The following DACH2 variants were observed in gnomAD, a reference collection of about 807,000 sequenced individuals.
DACH2 encodes the protein dachshund homolog 2.
Under a neutral mutation model 35.8 loss-of-function variants are expected in DACH2, and 17 were observed. The ratio of observed to expected loss-of-function variants is 0.48; its 90% CI spans 0.33 to 0.71. The LOEUF is 0.71. DACH2 is among the 30% of genes least tolerant of loss of function. The probability of loss-of-function intolerance (pLI) is 0.02; values close to 1 mark genes in which losing one functional copy is unlikely to be tolerated. For synonymous variants in DACH2, 195 were observed against 177.3 expected, an observed-to-expected ratio of 1.10 and a Z score of -0.79; for missense variants, 469 against 472.7, an observed-to-expected ratio of 0.99 and a Z score of 0.07.
chrX:86,472,009 T>G, intron 2 of DACH2, among the ~76,000 whole-genome samples: 1 of 112,201 alleles, frequency 8.9e-6, no homozygotes, highest in African/African-American at 3.2e-5. Context: ...TATTAGATTT[T>G]TATTTGTCAA....
At chrX:86,467,536 T>C (rs1283452973) in intron 2 of DACH2, among the ~76,000 whole-genome samples, 2 of 111,709 alleles carry the variant, frequency 1.8e-5, no homozygotes, top group East Asian at 2.8e-4. Context: ...CACATTTTTC[T>C]GTATTCTTCT....
At chrX:86,459,094 C>G (rs1052073650) in intron 2 of DACH2, among the ~76,000 whole-genome samples, 1 of 111,805 alleles carries the variant, frequency 8.9e-6, no homozygotes, top group African/African-American at 3.2e-5. Context: ...GTGTTTTTAA[C>G]AACAAATAAT....
intron 6 of DACH2, among the ~76,000 whole-genome samples, chrX:86,735,867 C>G (rs1248031796): frequency 3.6e-5 from 4 of 111,302 alleles, no homozygotes; most frequent in Non-Finnish European, 7.6e-5. Flanking sequence ...TTTTTAAATA[C>G]TTATTGATTT....
chrX:86,332,743 T>C (rs912725660), intron 1 of DACH2, among the ~76,000 whole-genome samples: 4 of 111,842 alleles, frequency 3.6e-5, no homozygotes, highest in African/African-American at 9.7e-5. Flanking sequence ...TGAATATTTC[T>C]TTGTCTTTTG....
intron 3 of DACH2, among the ~76,000 whole-genome samples, chrX:86,637,354 C>CA (rs1003022047): frequency 5.7e-5 from 6 of 105,241 alleles, no homozygotes; most frequent in Admixed American, 1.0e-4. Context: ...CTCAAAGACC[C>CA]AAAAAAAATA....
chrX:86,189,037 C>T (rs1188332547), intron 1 of DACH2, among the ~76,000 whole-genome samples: 1 of 111,627 alleles, frequency 9.0e-6, no homozygotes, highest in Non-Finnish European at 1.9e-5. Flanking sequence ...AAGATTAATT[C>T]GAAGTGACTC....
chrX:86,648,622 A>C (rs762925792), intron 3 of DACH2, among the ~76,000 whole-genome samples: 1 of 110,947 alleles, frequency 9.0e-6, no homozygotes, highest in South Asian at 3.8e-4. Context: ...CTAAACAAAT[A>C]GGATTTAAGA....
At chrX:86,548,582 T>C (rs985228361) in intron 3 of DACH2, among the ~76,000 whole-genome samples, 2 of 112,100 alleles carry the variant, frequency 1.8e-5, no homozygotes, top group African/African-American at 3.2e-5. Context: ...CAGTCATTGT[T>C]ATCATTGTCA....
intron 4 of DACH2, among the ~76,000 whole-genome samples, chrX:86,669,044 C>A (rs936806538): frequency 1.3e-4 from 14 of 111,236 alleles, no homozygotes; most frequent in South Asian, 3.8e-4. Context: ...ACAGCTATTC[C>A]GTATGTTATG....
chrX:86,561,901 T>TAAAAAA (rs60538249), intron 3 of DACH2, among the ~76,000 whole-genome samples: 1 of 65,043 alleles, frequency 1.5e-5, no homozygotes, highest in African/African-American at 6.3e-5. Flanking sequence ...AAAGTAGAAT[T>TAAAAAA]AAAAAAAAAA....
intron 1 of DACH2, among the ~76,000 whole-genome samples, chrX:86,315,700 T>G (rs559963237): frequency 9.1e-6 from 1 of 109,466 alleles, no homozygotes; most frequent in South Asian, 4.0e-4. Flanking sequence ...CATTGGAAGA[T>G]GTAACTGCAG....
In DACH2 at chrX:86,508,503, T is replaced by C. The variant is rs770212718; in HGVS notation, c.528-5776T>C. On this transcript the variant is annotated intron_variant, in intron 2 of 11. Transcript: ENST00000373125. ...TGAACCCGGGAAGCAGAGGTTGCAG[T>C]GGGTTGAGATTGCACCACTGCGCTC... 5.5e-5 allele frequency among the ~76,000 whole-genome samples: 6 copies of C among 109,611 alleles called. No individual in the cohort carries two copies. The South Asian group carries it at 1.6e-3, about 29-fold the overall frequency.
chrX:86,662,424 A>T (rs2040614986), intron 4 of DACH2, among the ~76,000 whole-genome samples: 1 of 110,897 alleles, frequency 9.0e-6, no homozygotes, highest in Non-Finnish European at 1.9e-5. Flanking sequence ...AAACCCTGAC[A>T]CTACTAATAC....
chrX:86,157,987 A>G (rs757449193), intron 1 of DACH2, among the ~76,000 whole-genome samples: 1 of 111,115 alleles, frequency 9.0e-6, no homozygotes, highest in Non-Finnish European at 1.9e-5. Context: ...CAGAGCACCT[A>G]TTTTAAGAAT....
At chrX:86,194,915 C>T (rs749672228) in intron 1 of DACH2, among the ~76,000 whole-genome samples, 4 of 112,585 alleles carry the variant, frequency 3.6e-5, no homozygotes, top group East Asian at 2.8e-4. Context: ...TGGCCTCTCC[C>T]GGGGCCCCAT....
intron 11 of DACH2, chrX:86,829,210 G>A (rs1025755056): frequency 4.5e-5 from 5 of 111,837 alleles, no homozygotes; most frequent in African/African-American, 1.3e-4. Flanking sequence ...ATATAGAGTA[G>A]GTATACTGTT....
chrX:86,421,728 A>T (rs184015357), intron 2 of DACH2, among the ~76,000 whole-genome samples: 22 of 111,440 alleles, frequency 2.0e-4, no homozygotes, highest in African/African-American at 6.2e-4. Flanking sequence ...TCCTTTGTTA[A>T]ATCTACTTCT....
At chrX:86,458,047 C>T (rs1195855142) in intron 2 of DACH2, among the ~76,000 whole-genome samples, 2 of 111,644 alleles carry the variant, frequency 1.8e-5, no homozygotes, top group East Asian at 5.6e-4. Flanking sequence ...GTATTTTAGT[C>T]AATTCTAGAT....
intron 2 of DACH2, among the ~76,000 whole-genome samples, chrX:86,422,695 T>G (rs2036825151): frequency 1.8e-5 from 2 of 111,276 alleles, no homozygotes; most frequent in African/African-American, 6.5e-5. Context: ...CTTTGAGTTA[T>G]TTTAAAATGT....
Sources: gnomAD v4.1 joint callset for allele counts (sites outside exome capture counted in the v4.1 genomes callset) on GRCh38, gnomAD v4.1.1 for gene constraint, MANE v1.5 for transcripts, NCBI Gene and HGNC (gene_info 2026-07-23, HGNC 2026-07-21) for gene names.